Variants in THSD7B observed in about 807,000 individuals in gnomAD.
The protein encoded by THSD7B is thrombospondin type 1 domain containing 7B.
THSD7B carries 138 observed loss-of-function variants against 213.6 expected under a neutral mutation model. That is an observed-to-expected ratio of 0.65 (90% CI 0.56 to 0.74). The LOEUF is 0.74. THSD7B is among the 30% of genes least tolerant of loss of function. THSD7B has a pLI of 0.00. For missense variants in THSD7B, 1,931 were observed against 1,991.5 expected (o/e 0.97, Z 0.58); for synonymous variants, 742 against 687.0 (o/e 1.08, Z -1.25).
At chr2:137,411,934 T>A in intron 14 of THSD7B, 62 bp downstream of exon 14, 1 of 1,575,886 alleles carries the variant, frequency 6.3e-7, no homozygotes, top group Non-Finnish European at 8.6e-7. Flanking sequence ...GAGGTTTGTC[T>A]CAGGTCTAGA....
intron 12 of THSD7B, among the ~76,000 whole-genome samples, chr2:137,395,413 G>A (rs576723412): frequency 8.0e-5 from 12 of 149,996 alleles, no homozygotes; most frequent in Non-Finnish European, 1.2e-4. Context: ...TGCATCTATT[G>A]AGATAATCAT....
chr2:137,671,056 A>G (rs539524210), intron 27 of THSD7B, among the ~76,000 whole-genome samples: 3 of 151,954 alleles, frequency 2.0e-5, no homozygotes, highest in Non-Finnish European at 4.4e-5. Context: ...TTCTTTCCAC[A>G]GTTCACTTCA....
Position 137,262,288 on chromosome 2 carries a change from C to T in THSD7B, c.2267-10245C>T, listed in dbSNP as rs1335748984. 1.3e-5 allele frequency among the ~76,000 whole-genome samples: 2 copies of T among 152,068 alleles called. 1 individual carries two copies. Among genetic ancestry groups the T allele is most frequent in the Non-Finnish European group, 2.9e-5 (2 of 68,014 alleles). On this transcript the variant is annotated intron_variant, in intron 10 of 27. Coordinates refer to ENST00000409968, the MANE Select transcript of THSD7B (RefSeq NM_001316349.2). ...CCAGCAGTATTTTTTCAGCTTATAT[C>T]TTAGATGACATTTGTGCCCCTCAAA... is the stretch of plus-strand genomic sequence containing the variant.
At chr2:137,198,458 C>A (rs187157875) in intron 7 of THSD7B, among the ~76,000 whole-genome samples, 1 of 152,110 alleles carries the variant, frequency 6.6e-6, no homozygotes, top group Non-Finnish European at 1.5e-5. Flanking sequence ...GTCACATTTC[C>A]CCTATAGTTC....
intron 12 of THSD7B, among the ~76,000 whole-genome samples, chr2:137,329,012 C>G (rs187030784): frequency 2.0e-5 from 3 of 152,154 alleles, no homozygotes; most frequent in Admixed American, 1.3e-4. Context: ...TAAATTGGTA[C>G]CACAAAGACT....
At chr2:137,296,589 C>T (rs959529267) in intron 12 of THSD7B, among the ~76,000 whole-genome samples, 7 of 152,114 alleles carry the variant, frequency 4.6e-5, no homozygotes, top group African/African-American at 1.7e-4. Flanking sequence ...TCATTTTGTT[C>T]ATCTGATTTT....
At chr2:137,002,670 A>G (rs1017518311) in intron 2 of THSD7B, among the ~76,000 whole-genome samples, 2 of 152,132 alleles carry the variant, frequency 1.3e-5, no homozygotes, top group African/African-American at 4.8e-5. Flanking sequence ...CTGTTGTTAA[A>G]TATCATTGTC....
chr2:137,255,727 T>A (rs1257115217), intron 10 of THSD7B, among the ~76,000 whole-genome samples: 1 of 152,164 alleles, frequency 6.6e-6, no homozygotes, highest in African/African-American at 2.4e-5. Context: ...TTCACTTTTT[T>A]AGAAACAGGG....
chr2:137,478,869 G>C (rs76289569), intron 15 of THSD7B, among the ~76,000 whole-genome samples: 7,144 of 152,256 alleles, frequency 0.047, 228 homozygotes, highest in Non-Finnish European at 0.068. Flanking sequence ...GCTTATGTTG[G>C]TTGTTAGTGG....
At chr2:136,927,398 C>T (rs1684556291) in intron 2 of THSD7B, among the ~76,000 whole-genome samples, 1 of 152,278 alleles carries the variant, frequency 6.6e-6, no homozygotes, top group African/African-American at 2.4e-5. Flanking sequence ...GTTTGAATTC[C>T]AGGCAAATTG....
At chr2:136,997,488 G>T (rs1214343956) in intron 2 of THSD7B, among the ~76,000 whole-genome samples, 1 of 152,172 alleles carries the variant, frequency 6.6e-6, no homozygotes, top group Non-Finnish European at 1.5e-5. Context: ...TACACCAAAT[G>T]GGTGTGTTTC....
chr2:137,361,852 G>A (rs574427950), intron 12 of THSD7B, among the ~76,000 whole-genome samples: 1 of 152,042 alleles, frequency 6.6e-6, no homozygotes, highest in Non-Finnish European at 1.5e-5. Flanking sequence ...AGCAAGGCAG[G>A]CCAACATTCA....
chr2:137,568,894 A>C (rs967091221), intron 16 of THSD7B, among the ~76,000 whole-genome samples: 1 of 152,204 alleles, frequency 6.6e-6, no homozygotes, highest in African/African-American at 2.4e-5. Flanking sequence ...GGGGTTATAG[A>C]GAGAATGGTG....
chr2:137,312,759 T>G (rs1683952744), intron 12 of THSD7B, among the ~76,000 whole-genome samples: 1 of 150,704 alleles, frequency 6.6e-6, no homozygotes, highest in African/African-American at 2.4e-5. Flanking sequence ...TTCATTTCAT[T>G]ATGTACCCAG....
chr2:137,475,521 C>T (rs980887127), intron 15 of THSD7B, among the ~76,000 whole-genome samples: 9 of 152,172 alleles, frequency 5.9e-5, no homozygotes, highest in Non-Finnish European at 1.2e-4. Context: ...AATGACCAAT[C>T]AACTCTACTT....
intron 2 of THSD7B, among the ~76,000 whole-genome samples, chr2:136,949,901 G>T (rs1685005437): frequency 6.6e-6 from 1 of 152,176 alleles, no homozygotes; most frequent in Non-Finnish European, 1.5e-5. Context: ...GTTTATTGCA[G>T]CACTATTTAC....
At chr2:137,182,074 T>G (rs1479669369) in intron 7 of THSD7B, among the ~76,000 whole-genome samples, 1 of 152,150 alleles carries the variant, frequency 6.6e-6, no homozygotes, top group Admixed American at 6.6e-5. Flanking sequence ...GAAGGGCCAA[T>G]CAGCATCCTT....
At chr2:136,781,726 C>G (rs1002147068) in intron 1 of THSD7B, among the ~76,000 whole-genome samples, 1 of 152,092 alleles carries the variant, frequency 6.6e-6, no homozygotes, top group African/African-American at 2.4e-5. Flanking sequence ...CAACCACATT[C>G]CTGTCTCTCC....
intron 3 of THSD7B, among the ~76,000 whole-genome samples, chr2:137,072,503 G>A (rs1404712644): frequency 2.0e-5 from 3 of 152,088 alleles, no homozygotes; most frequent in Non-Finnish European, 4.4e-5. Flanking sequence ...GAGATTTTGG[G>A]CTGAGATGAT....
Sources: gnomAD v4.1 joint callset for allele counts (sites outside exome capture counted in the v4.1 genomes callset) on GRCh38, gnomAD v4.1.1 for gene constraint, MANE v1.5 for transcripts, NCBI Gene and HGNC (gene_info 2026-07-23, HGNC 2026-07-21) for gene names.